GJA8: variants seen among roughly 807,000 people sequenced by gnomAD.
GJA8 encodes the protein gap junction alpha-8 protein.
Under a neutral mutation model 15.3 loss-of-function variants are expected in GJA8, and 13 were observed. The observed-to-expected ratio is 0.85, with a 90% CI of 0.55 to 1.35. The LOEUF (loss-of-function observed/expected upper bound fraction) is 1.35, where lower values mean the gene tolerates loss of function less well. Ranked by LOEUF, GJA8 falls within the 40% of genes most tolerant of loss-of-function variation. The pLI is 0.00. For missense variants in GJA8, 607 were observed against 553.3 expected (o/e 1.10, Z -0.97); for synonymous variants, 304 against 238.7 (o/e 1.27, Z -2.52).
chr1:147,908,659 C>G lies in GJA8; in HGVS notation c.704C>G (p.Ala235Gly). 1 of 1,614,094 alleles carries G rather than the reference C, an allele frequency of 6.2e-7. No homozygotes were observed. Among genetic ancestry groups the G allele is most frequent in the Non-Finnish European group, 8.5e-7 (1 of 1,179,966 alleles). Residue 235 changes from alanine (A) to glycine (G), a missense_variant, in exon 2 of 2, where the codon GCC (alanine) becomes GGC (glycine). Coordinates refer to ENST00000369235, the MANE Select transcript of GJA8 (RefSeq NM_005267.5). ...CTGGGCCTGAAGGGGATCCGGTCTG[C>G]CTTGAAGAGGCCTGTAGAGCAGCCC... ...GHLGLKGIRS[A>G]LKRPVEQPLG...
At chr1:147,914,471 T>G in the GJA8 span, among the ~76,000 whole-genome samples, 2 of 152,230 alleles carry the variant, frequency 1.3e-5, no homozygotes, top group African/African-American at 4.8e-5. Flanking sequence ...GCAAATAAAA[T>G]TAACTTGACT....
Position 147,908,548 on chromosome 1 carries a change from G to A in GJA8, c.593G>A (p.Arg198Gln), listed in dbSNP as rs80358205. The change falls in exon 2 of 2, where the codon CGG becomes CAG. Residue 198 changes from arginine (R) to glutamine (Q), a missense_variant. Transcript: ENST00000369235. ...AATGTGGTGGACTGCTTCGTGTCCC[G>A]GCCCACGGAGAAAACCATCTTCATC... ...CPNVVDCFVS[R>Q]PTEKTIFILF... is the part of the protein sequence containing the mutation. 2 of 1,614,108 alleles carry A rather than the reference G, an allele frequency of 1.2e-6. No homozygotes were observed. Among genetic ancestry groups the A allele is most frequent in the Non-Finnish European group, 1.7e-6 (2 of 1,180,024 alleles).
rs1651882954 is a variant in GJA8, at chr1:147,908,162, C to G, written c.207C>G (p.Ala69=). Reference sequence around the variant, plus strand: ...GCGAGAACGTCTGCTACGACGAGGCCTTTCCCATCTCCCACATTCGCCTCT... The same window carrying G: ...GCGAGAACGTCTGCTACGACGAGGCGTTTCCCATCTCCCACATTCGCCTCT... ...PGCENVCYDE[A]FPISHIRLWV... is the part of the protein sequence containing the mutation. The change falls in exon 2 of 2, where the codon GCC becomes GCG. Residue 69 remains alanine (A), a synonymous_variant. Transcript: ENST00000369235. 1.2e-6 allele frequency: 2 copies of G among 1,614,236 alleles called. No homozygotes were observed. The highest frequency in any genetic ancestry group is 8.5e-7 in the Non-Finnish European group (1 of 1,180,032).
chr1:147,905,312 A>G (rs1651747012), intron 1 of GJA8, among the ~76,000 whole-genome samples: 1 of 152,198 alleles, frequency 6.6e-6, no homozygotes. Flanking sequence ...GATGAGGCCA[A>G]AATGGTTCCT....
chr1:147,909,936 T>C (rs1050661090), downstream of GJA8, among the ~76,000 whole-genome samples: 1 of 152,164 alleles, frequency 6.6e-6, no homozygotes, highest in Non-Finnish European at 1.5e-5. Context: ...CTCAGCTCAC[T>C]GCAGCCTCAA....
chr1:147,912,664 C>T (rs892030256), downstream of GJA8, among the ~76,000 whole-genome samples: 1 of 151,864 alleles, frequency 6.6e-6, no homozygotes, highest in Non-Finnish European at 1.5e-5. Flanking sequence ...CTAGTCGGTC[C>T]CTTGTTAGAT....
downstream of GJA8, among the ~76,000 whole-genome samples, chr1:147,909,636 T>C (rs1652018008): frequency 6.6e-6 from 1 of 152,166 alleles, no homozygotes; most frequent in African/African-American, 2.4e-5. Context: ...CCAGAATCTA[T>C]CATCCCAGCA....
intron 1 of GJA8, among the ~76,000 whole-genome samples, chr1:147,905,466 T>C (rs1349028210): frequency 1.3e-5 from 2 of 152,208 alleles, no homozygotes; most frequent in Non-Finnish European, 2.9e-5. Context: ...TCAATGAGGG[T>C]AAGTATTAGC....
downstream of GJA8, among the ~76,000 whole-genome samples, chr1:147,910,853 T>G (rs1652089023): frequency 6.6e-6 from 1 of 152,150 alleles, no homozygotes; most frequent in South Asian, 2.1e-4. Context: ...AGGCCAAGCT[T>G]CATCCCTGGA....
intron 1 of GJA8, among the ~76,000 whole-genome samples, chr1:147,903,072 A>G (rs1553241845): frequency 6.6e-6 from 1 of 152,204 alleles, no homozygotes; most frequent in Non-Finnish European, 1.5e-5. Context: ...AGGGAGAGGA[A>G]TGCTGGAATA....
Position 147,908,061 on chromosome 1 carries a change from A to G in GJA8, c.106A>G (p.Ile36Val). 6.2e-7 allele frequency: 1 copy of G among 1,613,956 alleles called. No individual in the cohort carries two copies. Among genetic ancestry groups the G allele is most frequent in the African/African-American group, 1.3e-5 (1 of 75,010 alleles). ...CGTGCTTTTCATCTTCCGGATCCTCATCCTTGGCACGGCCGCAGAGTTCGT... is the reference window on the plus strand; with the variant it reads ...CGTGCTTTTCATCTTCCGGATCCTCGTCCTTGGCACGGCCGCAGAGTTCGT... ...LTVLFIFRIL[I>V]LGTAAEFVWG... is the part of the protein sequence containing the mutation. The change falls in exon 2 of 2, where the codon ATC (isoleucine) becomes GTC (valine). Residue 36 changes from isoleucine to valine, a missense_variant. Transcript: ENST00000369235.
chr1:147,912,554 C>T (rs758562837), downstream of GJA8, among the ~76,000 whole-genome samples: 1 of 152,134 alleles, frequency 6.6e-6, no homozygotes, highest in East Asian at 1.9e-4. Flanking sequence ...TTACTCTAGG[C>T]AGCTACACCA....
At chr1:147,905,710 AC>A (rs1251480046) in intron 1 of GJA8, among the ~76,000 whole-genome samples, 12 of 152,320 alleles carry the variant, frequency 7.9e-5, no homozygotes, top group Non-Finnish European at 1.8e-4. Flanking sequence ...TACCACTCTT[AC>A]CAGGGCAATT....
chr1:147,908,312 G>C lies in GJA8; in HGVS notation c.357G>C (p.Gly119=), dbSNP rs781981299. 7 of 1,614,092 alleles carry C rather than the reference G, an allele frequency of 4.3e-6. No individual in the cohort carries two copies. Among genetic ancestry groups the C allele is most frequent in the Non-Finnish European group, 8.5e-7 (1 of 1,180,052 alleles). ...REAEELGQQA[G]TNGGPDQGSV... Reference sequence around the variant, plus strand: ...CGGAGGAGCTGGGCCAGCAGGCGGGGACTAACGGCGGCCCGGACCAGGGCA... The same window carrying C: ...CGGAGGAGCTGGGCCAGCAGGCGGGCACTAACGGCGGCCCGGACCAGGGCA... Residue 119 remains glycine (G), a synonymous_variant, in exon 2 of 2, where the codon GGG becomes GGC. Transcript: ENST00000369235.
chr1:147,907,509 A>T (rs1394177023), intron 1 of GJA8, among the ~76,000 whole-genome samples: 1 of 152,208 alleles, frequency 6.6e-6, no homozygotes, highest in Non-Finnish European at 1.5e-5. Context: ...GGGAGCCCAG[A>T]CACCCATAGT....
downstream of GJA8, among the ~76,000 whole-genome samples, chr1:147,909,594 C>G (rs782818384): frequency 7.9e-5 from 12 of 152,192 alleles, no homozygotes; most frequent in Admixed American, 6.5e-4. Flanking sequence ...TGCCTCATAG[C>G]CTTTTACCCA....
chr1:147,910,573 T>C (rs141032756), downstream of GJA8, among the ~76,000 whole-genome samples: 235 of 152,296 alleles, frequency 1.5e-3, no homozygotes, highest in Non-Finnish European at 1.4e-3. Context: ...TCAAAAGGCT[T>C]TGAGGCCTGG....
At chr1:147,913,508 G>A (rs1184370723), downstream of GJA8, among the ~76,000 whole-genome samples, 12 of 152,164 alleles carry the variant, frequency 7.9e-5, no homozygotes, top group African/African-American at 2.4e-4. Flanking sequence ...ATGGAGAAGC[G>A]TCAACCCCTG....
chr1:147,913,237 A>G (rs1370666450), downstream of GJA8, among the ~76,000 whole-genome samples: 2 of 152,230 alleles, frequency 1.3e-5, no homozygotes, highest in African/African-American at 4.8e-5. Context: ...GAAAGAAGCC[A>G]TCATCAAATT....
Sources: gnomAD v4.1 joint callset for allele counts (sites outside exome capture counted in the v4.1 genomes callset) on GRCh38, gnomAD v4.1.1 for gene constraint, MANE v1.5 for transcripts, NCBI Gene and HGNC (gene_info 2026-07-23, HGNC 2026-07-21) for gene names.